Variants in NSUN4 observed in about 807,000 individuals in gnomAD.
NSUN4 encodes 5-cytosine rRNA methyltransferase NSUN4.
Under a neutral mutation model 43.8 loss-of-function variants are expected in NSUN4, and 31 were observed. The ratio of observed to expected loss-of-function variants is 0.71; its 90% confidence interval spans 0.53 to 0.96. The LOEUF is 0.96. Among genes scored for constraint, NSUN4 ranks in the 40% least tolerant of loss-of-function variants. NSUN4 has a pLI of 0.00. For missense variants in NSUN4, 439 were observed against 475.6 expected (o/e 0.92, Z 0.72); for synonymous variants, 167 against 184.1 (o/e 0.91, Z 0.75).
At chr1:46,343,106 C>A in intron 1 of NSUN4, 1 of 399,398 alleles carries the variant, frequency 2.5e-6, no homozygotes. Flanking sequence ...TAGGGCCCCC[C>A]TGCAATACCC....
downstream of NSUN4, among the ~76,000 whole-genome samples, chr1:46,366,727 A>AAAAAG (rs1553178523): frequency 1.0e-3 from 133 of 127,950 alleles, no homozygotes; most frequent in Non-Finnish European, 2.0e-3. Context: ...AAAAAAAAAA[A>AAAAAG]AAGTGGGTAG....
Position 46,361,781 on chromosome 1 carries a change from G to T in NSUN4, c.1090G>T (p.Val364Leu). Residue 364 changes from valine to leucine, a missense_variant, in exon 6 of 6, where the codon GTA (valine) becomes TTA (leucine). Physicochemically the swap from Val to Leu is conservative, Grantham distance 32. Transcript: ENST00000474844. ...FFSSCQVGEL[V>L]IPNLMANFGP... ...CTCATCCTGTCAGGTTGGGGAGCTGGTAATACCAAACCTCATGGCCAATTT... is the reference window on the plus strand; with the variant it reads ...CTCATCCTGTCAGGTTGGGGAGCTGTTAATACCAAACCTCATGGCCAATTT... The T allele has an allele frequency of 3.7e-6, 6 of 1,614,128 alleles. No homozygotes were observed. Among genetic ancestry groups the T allele is most frequent in the Non-Finnish European group, 5.1e-6 (6 of 1,180,006 alleles).
downstream of NSUN4, among the ~76,000 whole-genome samples, chr1:46,366,797 T>C (rs1020130900): frequency 5.3e-5 from 8 of 151,454 alleles, no homozygotes; most frequent in African/African-American, 1.7e-4. Context: ...AGGGATCATA[T>C]TGAGAGACCT....
chr1:46,385,137 T>A, the NSUN4 span, among the ~76,000 whole-genome samples: 1 of 152,244 alleles, frequency 6.6e-6, no homozygotes, highest in Non-Finnish European at 1.5e-5. Context: ...TAAACTAAAT[T>A]TCACCTTTAT....
At chr1:46,346,576 T>A (rs532798138) in intron 2 of NSUN4, among the ~76,000 whole-genome samples, 21 of 140,538 alleles carry the variant, frequency 1.5e-4, no homozygotes, top group African/African-American at 5.9e-4. Context: ...AAAAAAAAAT[T>A]AGCCAGGCAT....
At chr1:46,355,910 A>G (rs1443959116) in intron 4 of NSUN4, among the ~76,000 whole-genome samples, 3 of 151,842 alleles carry the variant, frequency 2.0e-5, no homozygotes. Flanking sequence ...GCTACTTGGG[A>G]GGCTGAGGCA....
At chr1:46,343,356 T>C (rs1557736168) in intron 1 of NSUN4, 12 of 399,870 alleles carry the variant, frequency 3.0e-5, no homozygotes, top group Non-Finnish European at 4.9e-5. Context: ...AGTCCGGGCC[T>C]ACCCTGATAC....
At chr1:46,358,398 ATTTTT>A (rs34719174) in intron 4 of NSUN4, among the ~76,000 whole-genome samples, 2 of 95,456 alleles carry the variant, frequency 2.1e-5, no homozygotes. Context: ...TCCTGGCCTA[ATTTTT>A]TTTTTTTTTT....
rs1242339182 is a variant in NSUN4, at chr1:46,340,910, G to C, written c.84G>C (p.Lys28Asn). The C allele has an allele frequency of 1.2e-6, 2 of 1,613,028 alleles. No individual in the cohort carries two copies. Among genetic ancestry groups the C allele is most frequent in the African/African-American group, 1.3e-5 (1 of 74,884 alleles). The change falls in exon 1 of 6, where the codon AAG becomes AAC. Residue 28 changes from lysine to asparagine, a missense_variant. Physicochemically the swap from Lys to Asn is moderately conservative, Grantham distance 94. Transcript: ENST00000474844. The part of the protein sequence containing the change: ...LATVPRRHRY[K>N]KKWAATEPKF... ...CGGTCCCGCGGAGACATCGATATAA[G>C]AAGAAATGGGTAAGGTCCGGCTGGG...
At chr1:46,347,537 C>T (rs997340714) in intron 3 of NSUN4, among the ~76,000 whole-genome samples, 1 of 152,168 alleles carries the variant, frequency 6.6e-6, no homozygotes, top group Admixed American at 6.6e-5. Flanking sequence ...TCATTAGTTC[C>T]TCTCTTTCTC....
the NSUN4 span, among the ~76,000 whole-genome samples, chr1:46,371,135 ATTTTTT>A: frequency 7.6e-6 from 1 of 131,148 alleles, no homozygotes. Context: ...TGCCACCTTG[ATTTTTT>A]TTTTTTTTTT....
chr1:46,341,596 C>T (rs564998539), intron 1 of NSUN4: 45 of 1,204,742 alleles, frequency 3.7e-5, no homozygotes, highest in African/African-American at 3.3e-4. Context: ...ATGACCGGCA[C>T]GCCCCCCTGC....
At chr1:46,359,611 C>T (rs776064317) in intron 4 of NSUN4, among the ~76,000 whole-genome samples, 1 of 148,930 alleles carries the variant, frequency 6.7e-6, no homozygotes, top group Admixed American at 6.8e-5. Flanking sequence ...AGTGCAATGG[C>T]GCGATCTTGG....
chr1:46,342,724 C>T (rs927682753), intron 1 of NSUN4: 1 of 399,026 alleles, frequency 2.5e-6, no homozygotes, highest in Non-Finnish European at 4.4e-6. Context: ...TATAATGAAC[C>T]CCCTCTTCCC....
At chr1:46,371,462 C>T in the NSUN4 span, among the ~76,000 whole-genome samples, 4,329 of 152,184 alleles carry the variant, frequency 0.028, 208 homozygotes, top group African/African-American at 0.097. Context: ...CCTGCCTCCA[C>T]GCCTGGCTAA....
chr1:46,372,294 C>T, the NSUN4 span, among the ~76,000 whole-genome samples: 1 of 151,940 alleles, frequency 6.6e-6, no homozygotes, highest in Non-Finnish European at 1.5e-5. Context: ...GTGCCCACCA[C>T]CACGCCCGGC....
the NSUN4 span, among the ~76,000 whole-genome samples, chr1:46,371,794 A>G: frequency 6.6e-6 from 1 of 152,048 alleles, no homozygotes; most frequent in Non-Finnish European, 1.5e-5. Context: ...TCACATGGCA[A>G]AAGCAGGAGC....
chr1:46,351,421 A>G lies in NSUN4; in HGVS notation c.593-1447A>G, dbSNP rs545180034. ...TCCCCTTCCAAAAAATTGGGGTTCT[A>G]TTAATAAGGAGGAAGAGGAGAATGA... On this transcript the variant is annotated intron_variant, in intron 3 of 5. Coordinates refer to ENST00000474844, the MANE Select transcript of NSUN4 (RefSeq NM_199044.4). 1.1e-3 allele frequency among the ~76,000 whole-genome samples: 162 copies of G among 152,320 alleles called. 1 individual carries two copies. Among genetic ancestry groups the G allele is most frequent in the African/African-American group, 3.6e-3 (150 of 41,574 alleles).
chr1:46,359,980 A>T (rs1210368928), intron 4 of NSUN4, among the ~76,000 whole-genome samples: 2 of 151,742 alleles, frequency 1.3e-5, no homozygotes, highest in Non-Finnish European at 2.9e-5. Context: ...CTGTAATCCT[A>T]GCATTTCAGG....
Sources: gnomAD v4.1 joint callset for allele counts (sites outside exome capture counted in the v4.1 genomes callset) on GRCh38, gnomAD v4.1.1 for gene constraint, MANE v1.5 for transcripts, NCBI Gene and HGNC (gene_info 2026-07-23, HGNC 2026-07-21) for gene names.